The following TOM1L1 variants were observed in gnomAD, a reference collection of about 807,000 sequenced individuals.
TOM1L1 encodes target of myb1 like 1 membrane trafficking protein, also known as TOM1-like protein 1.
TOM1L1 carries 64 observed loss-of-function variants against 63.4 expected under a neutral mutation model. The observed-to-expected ratio is 1.01, with a 90% CI of 0.83 to 1.24. The LOEUF (loss-of-function observed/expected upper bound fraction) is 1.24, where lower values mean the gene tolerates loss of function less well. Among genes scored for constraint, TOM1L1 ranks in the 50% most tolerant of loss-of-function variants. TOM1L1 has a pLI of 0.00. For synonymous variants in TOM1L1, 166 were observed against 194.4 expected, an observed-to-expected ratio of 0.85 and a Z score of 1.22; for missense variants, 536 against 567.0, an observed-to-expected ratio of 0.95 and a Z score of 0.55.
At chr17:54,925,643 C>A (rs369814264) in intron 7 of TOM1L1, among the ~76,000 whole-genome samples, 9 of 152,210 alleles carry the variant, frequency 5.9e-5, no homozygotes, top group African/African-American at 1.9e-4. Flanking sequence ...ATGGAGCACG[C>A]CTGTAATCTC....
chr17:54,945,542 C>T (rs2049103970), intron 11 of TOM1L1, among the ~76,000 whole-genome samples: 1 of 152,086 alleles, frequency 6.6e-6, no homozygotes, highest in Non-Finnish European at 1.5e-5. Flanking sequence ...GTTTGGGGTC[C>T]TGTTTGTTTG....
At chr17:54,937,336 T>C (rs2048965720) in intron 10 of TOM1L1, 110 bp downstream of exon 10, 1 of 878,898 alleles carries the variant, frequency 1.1e-6, no homozygotes, top group East Asian at 2.4e-5. Context: ...TCAGGTTGAA[T>C]GTCAGAGCGC....
At chr17:54,936,958 G>A (rs1380439375) in intron 9 of TOM1L1, 151 bp from the exon 10 acceptor site, 10 of 719,848 alleles carry the variant, frequency 1.4e-5, no homozygotes, top group Non-Finnish European at 2.4e-5. Context: ...TAGGTGGTAA[G>A]ATGGGATTCA....
intron 4 of TOM1L1, among the ~76,000 whole-genome samples, chr17:54,913,367 T>C (rs1423811883): frequency 6.6e-6 from 1 of 152,146 alleles, no homozygotes. Context: ...TATCAGGAGC[T>C]TAAGAATTGT....
chr17:54,937,293 A>C, intron 10 of TOM1L1, 67 bp downstream of exon 10: 1 of 1,234,544 alleles, frequency 8.1e-7, no homozygotes, highest in Non-Finnish European at 1.2e-6. Flanking sequence ...CTCCTTAATT[A>C]CGTGATTAAA....
intron 14 of TOM1L1, chr17:54,954,043 A>G (rs2049367752): frequency 1.3e-5 from 2 of 152,158 alleles, no homozygotes; most frequent in African/African-American, 2.4e-5. Flanking sequence ...GCATATTCCT[A>G]TAATGATGAA....
Position 54,908,245 on chromosome 17 carries a change from C to T in TOM1L1, c.222+2678C>T, listed in dbSNP as rs142695890. Among the ~76,000 whole-genome samples, 632 of 152,294 alleles carry T rather than the reference C, an allele frequency of 4.1e-3. 2 individuals are homozygous for T. The highest frequency in any genetic ancestry group is 0.014 in the African/African-American group (595 of 41,562). Reference sequence around the variant, plus strand: ...CATTAAAGTCAGGAAAAACATCTGGCTTTTCCTTGGATTTTCTTTAAATAG... The same window carrying T: ...CATTAAAGTCAGGAAAAACATCTGGTTTTTCCTTGGATTTTCTTTAAATAG... On this transcript the variant is annotated intron_variant, in intron 3 of 15. Transcript: ENST00000575882.
Position 54,903,722 on chromosome 17 carries a change from G to T in TOM1L1, c.73G>T (p.Ala25Ser). Residue 25 changes from alanine (A) to serine (S), a missense_variant, in exon 2 of 16, where the codon GCT (alanine) becomes TCT (serine). Coordinates refer to ENST00000575882, the MANE Select transcript of TOM1L1 (RefSeq NM_005486.3). ...VGHLIEKATFAGVQTEDWGQF... is the reference protein window; with the variant it reads ...VGHLIEKATFSGVQTEDWGQF... ...TTTCTTGGCAGAAAAGGCTACATTT[G>T]CTGGAGTTCAGACTGAAGATTGGGG... 1 of 1,614,162 alleles carries T rather than the reference G, an allele frequency of 6.2e-7. No homozygotes were observed.
chr17:54,938,792 C>A, intron 10 of TOM1L1, 132 bp from the exon 11 acceptor site: 1 of 524,880 alleles, frequency 1.9e-6, no homozygotes, highest in South Asian at 3.1e-5. Context: ...CTAAATTAAT[C>A]TCTTTTATTT....
intron 7 of TOM1L1, among the ~76,000 whole-genome samples, chr17:54,919,083 C>A (rs1038255174): frequency 3.9e-5 from 6 of 152,080 alleles, no homozygotes; most frequent in African/African-American, 1.4e-4. Context: ...AAATGAAGAG[C>A]TTAGATGACA....
At chr17:54,960,540 C>A in intron 14 of TOM1L1, 26 bp from the exon 15 acceptor site, 1 of 1,601,024 alleles carries the variant, frequency 6.2e-7, no homozygotes, top group Non-Finnish European at 8.6e-7. Context: ...ATACATAACC[C>A]TTTTGCTGTG....
At chr17:54,960,459 G>T in intron 14 of TOM1L1, 107 bp from the exon 15 acceptor site, 1 of 789,754 alleles carries the variant, frequency 1.3e-6, no homozygotes, top group South Asian at 1.4e-5. Flanking sequence ...TATGTAGCCT[G>T]AACTCCAAAA....
chr17:54,949,591 AGAGTCT>A lies in TOM1L1; in HGVS notation c.1258_1263del (p.Ser420_Leu421del), dbSNP rs574392654. ...ACCATTGCAGCAGCACCATCAAACCAGAGTCTGCCACCTTTGCCCAGCAATCATCCA... is the reference window on the plus strand; with the variant it reads ...ACCATTGCAGCAGCACCATCAAACCAGCCACCTTTGCCCAGCAATCATCCA... On this transcript the variant is annotated inframe_deletion, in exon 13 of 16. Coordinates refer to ENST00000575882, the MANE Select transcript of TOM1L1 (RefSeq NM_005486.3). The A allele has an allele frequency of 2.4e-3, 3,807 of 1,613,982 alleles. 135 individuals are homozygous for A. The South Asian group carries it at 0.039, about 17-fold the overall frequency.
intron 1 of TOM1L1, among the ~76,000 whole-genome samples, chr17:54,902,757 G>A (rs971327073): frequency 6.6e-5 from 10 of 152,142 alleles, no homozygotes; most frequent in African/African-American, 1.9e-4. Context: ...AGATGTTAGC[G>A]CATTCATACT....
intron 1 of TOM1L1, 56 bp downstream of exon 1, chr17:54,900,979 C>T: frequency 6.2e-7 from 1 of 1,609,578 alleles, no homozygotes; most frequent in Non-Finnish European, 8.5e-7. Flanking sequence ...GGATCCTTTC[C>T]TGCTTGATCC....
intron 11 of TOM1L1, among the ~76,000 whole-genome samples, chr17:54,943,926 G>A (rs59395465): frequency 0.038 from 5,791 of 151,170 alleles, 396 homozygotes; most frequent in African/African-American, 0.13. Flanking sequence ...GCAGTGAGCC[G>A]AGATTACAGC....
Position 54,905,560 on chromosome 17 carries a change from C to G in TOM1L1, c.215C>G (p.Thr72Ser), listed in dbSNP as rs763383061. The G allele has an allele frequency of 6.3e-7, 1 of 1,580,562 alleles. No homozygotes were observed. The highest frequency in any genetic ancestry group is 8.7e-7 in the Non-Finnish European group (1 of 1,151,176). ...KNYNHKEIQL[T>S]LSLIDMCVQN... ...TACAATCATAAAGAAATCCAACTTA[C>G]CTTGTCAGTAAGTACTTTAATTTTA... Residue 72 changes from threonine to serine, a missense_variant, in exon 3 of 16, where the codon ACC (threonine) becomes AGC (serine). Thr to Ser is a moderately conservative substitution (Grantham distance 58, BLOSUM62 1). Coordinates refer to ENST00000575882, the MANE Select transcript of TOM1L1 (RefSeq NM_005486.3).
At chr17:54,947,402 T>TG in intron 12 of TOM1L1, 90 bp downstream of exon 12, 1 of 1,438,608 alleles carries the variant, frequency 7.0e-7, no homozygotes, top group African/African-American at 1.4e-5. Context: ...TCCCATGTTC[T>TG]GCTCAGTATT....
At chr17:54,944,860 C>T (rs915335209) in intron 11 of TOM1L1, among the ~76,000 whole-genome samples, 5 of 152,056 alleles carry the variant, frequency 3.3e-5, no homozygotes, top group African/African-American at 9.7e-5. Flanking sequence ...AGTTTGATTA[C>T]AATATGTGGG....
Sources: gnomAD v4.1 joint callset for allele counts (sites outside exome capture counted in the v4.1 genomes callset) on GRCh38, gnomAD v4.1.1 for gene constraint, MANE v1.5 for transcripts, NCBI Gene and HGNC (gene_info 2026-07-23, HGNC 2026-07-21) for gene names.